The following MORC4 variants were observed in gnomAD, a reference collection of about 807,000 sequenced individuals.
MORC4 encodes the protein MORC family CW-type zinc finger protein 4.
MORC4 carries 22 observed loss-of-function variants against 65.5 expected under a neutral mutation model. That is an observed-to-expected ratio of 0.34 (90% CI 0.24 to 0.48). The LOEUF is 0.48. Among genes scored for constraint, MORC4 ranks in the 20% least tolerant of loss-of-function variants. The pLI, the probability that MORC4 is intolerant of heterozygous loss-of-function variation, is 0.99. For synonymous variants in MORC4, 267 were observed against 255.8 expected, an observed-to-expected ratio of 1.04 and a Z score of -0.42; for missense variants, 624 against 703.0, an observed-to-expected ratio of 0.89 and a Z score of 1.27.
chrX:106,969,278 G>C (rs1025347572), intron 9 of MORC4, among the ~76,000 whole-genome samples: 4 of 111,868 alleles, frequency 3.6e-5, no homozygotes, highest in African/African-American at 1.3e-4. Flanking sequence ...TGAAACCAAT[G>C]AGAACAAAGA....
At chrX:106,998,289 A>G (rs932383376) in intron 2 of MORC4, among the ~76,000 whole-genome samples, 1 of 112,392 alleles carries the variant, frequency 8.9e-6, no homozygotes, top group Non-Finnish European at 1.9e-5. Flanking sequence ...GTGTGTGCAT[A>G]ATACATACAC....
intron 10 of MORC4, among the ~76,000 whole-genome samples, chrX:106,959,760 A>C (rs1273049729): frequency 9.0e-6 from 1 of 111,601 alleles, no homozygotes; most frequent in Non-Finnish European, 1.9e-5. Flanking sequence ...GGCTGGTCTC[A>C]AACTCCTGAG....
rs140618280 is a variant in MORC4, at chrX:106,995,146, C to A, written c.176-1784G>T. Among the ~76,000 whole-genome samples the A allele has an allele frequency of 7.6e-3, 840 of 110,780 alleles. 8 individuals carry two copies. Among genetic ancestry groups the A allele is most frequent in the African/African-American group, 0.027 (808 of 30,448 alleles). ...CATTAACCCACCTCTAGCTATCCCC[C>A]CTCCCACCCTTCCCAGCCTTTAGTA... On this transcript the variant is annotated intron_variant, in intron 2 of 16. Transcript: ENST00000355610.
intron 5 of MORC4, among the ~76,000 whole-genome samples, chrX:106,981,915 C>T (rs1360527788): frequency 8.9e-6 from 1 of 111,864 alleles, no homozygotes; most frequent in Non-Finnish European, 1.9e-5. Flanking sequence ...TAAGATCTCC[C>T]CAGATCTAAT....
intron 3 of MORC4, among the ~76,000 whole-genome samples, chrX:106,991,225 T>C (rs1336331188): frequency 8.9e-6 from 1 of 111,888 alleles, no homozygotes; most frequent in Admixed American, 9.5e-5. Flanking sequence ...ATCCCTGTTA[T>C]ACGTTCTCAA....
At chrX:106,949,255 A>G (rs950677405) in intron 14 of MORC4, among the ~76,000 whole-genome samples, 5 of 111,420 alleles carry the variant, frequency 4.5e-5, no homozygotes, top group Non-Finnish European at 9.4e-5. Flanking sequence ...TTCTTTTTAT[A>G]GGTTCTGTCC....
chrX:106,948,937 G>T (rs1933910330), intron 14 of MORC4, among the ~76,000 whole-genome samples: 1 of 111,440 alleles, frequency 9.0e-6, no homozygotes, highest in Non-Finnish European at 1.9e-5. Flanking sequence ...CTTCCTAGAT[G>T]TATACATTAA....
chrX:106,941,405 AGAGAGAC>A lies in MORC4; in HGVS notation c.*67_*73del. On this transcript the variant is annotated 3_prime_UTR_variant, in exon 17 of 17. Transcript: ENST00000355610. The stretch of plus-strand genomic sequence containing the variant: ...GAGAGAGAGAGAGAGAGAGAGAGAG[AGAGAGAC>A]GTGAGGGAGGGAGAGAAAAGAGAAC... The A allele has an allele frequency of 1.3e-6, 1 of 750,355 alleles. No homozygotes were observed. The highest frequency in any genetic ancestry group is 1.9e-6 in the Non-Finnish European group (1 of 532,192). 61.8% of individuals were successfully genotyped at this position (750,355 alleles called of 1,213,427 possible). A position where few individuals can be genotyped will look rare whatever the true frequency, so the allele number is the denominator to read the frequency against.
chrX:106,949,861 C>A (rs745443895), intron 14 of MORC4, among the ~76,000 whole-genome samples: 17 of 112,301 alleles, frequency 1.5e-4, no homozygotes, highest in Non-Finnish European at 3.2e-4. Context: ...TTTCCCTCTT[C>A]AATCACCCTG....
At chrX:106,984,218 G>A (rs1934809867) in intron 5 of MORC4, among the ~76,000 whole-genome samples, 1 of 108,746 alleles carries the variant, frequency 9.2e-6, no homozygotes, top group African/African-American at 3.4e-5. Flanking sequence ...CCCAGGAGGT[G>A]AAGGTTACAG....
At chrX:106,993,607 C>T (rs933095917) in intron 2 of MORC4, among the ~76,000 whole-genome samples, 1 of 111,886 alleles carries the variant, frequency 8.9e-6, no homozygotes, top group African/African-American at 3.2e-5. Flanking sequence ...TCTGCCTTTC[C>T]ACCTTCGAAC....
At chrX:106,988,921 C>T (rs1385867044) in intron 3 of MORC4, among the ~76,000 whole-genome samples, 1 of 111,414 alleles carries the variant, frequency 9.0e-6, no homozygotes, top group Non-Finnish European at 1.9e-5. Flanking sequence ...CACGTGTTTA[C>T]CTATGTAACA....
intron 5 of MORC4, among the ~76,000 whole-genome samples, chrX:106,984,445 CA>C (rs1253879407): frequency 9.6e-6 from 1 of 103,998 alleles, no homozygotes; most frequent in Non-Finnish European, 2.0e-5. Flanking sequence ...CTAACTCAAA[CA>C]ACTCTGTTTT....
In MORC4 at chrX:106,943,072, C is replaced by T. The variant is rs773071665; in HGVS notation, c.1819G>A (p.Glu607Lys). Residue 607 changes from glutamate to lysine, a missense_variant, in exon 15 of 17, where the codon GAA becomes AAA. Glu to Lys is a moderately conservative substitution (Grantham distance 56, BLOSUM62 1). Transcript: ENST00000355610. Reference protein sequence around the residue: ...RRVEAPVAYPEGENSHDKSSS... With the variant: ...RRVEAPVAYPKGENSHDKSSS... ...GATTTATCATGGCTGTTCTCCCCTT[C>T]TGGGTAGGCAACAGGTGCTTCTACC... 5.0e-6 allele frequency: 6 copies of T among 1,211,578 alleles called. No homozygotes were observed. Among genetic ancestry groups the T allele is most frequent in the Non-Finnish European group, 6.7e-6 (6 of 895,304 alleles).
chrX:106,961,717 G>T (rs1457169926), intron 10 of MORC4, among the ~76,000 whole-genome samples: 1 of 111,708 alleles, frequency 9.0e-6, no homozygotes. Context: ...AACAATAAGG[G>T]AATAAAAGCT....
chrX:106,970,247 T>C (rs1194842508), intron 9 of MORC4, among the ~76,000 whole-genome samples: 3 of 112,186 alleles, frequency 2.7e-5, no homozygotes, highest in African/African-American at 6.5e-5. Context: ...TCTCAATAGA[T>C]GCAGAAAAAG....
At chrX:106,973,854 C>G (rs917537035) in intron 9 of MORC4, among the ~76,000 whole-genome samples, 3 of 111,518 alleles carry the variant, frequency 2.7e-5, no homozygotes, top group African/African-American at 9.8e-5. Flanking sequence ...CCTAGAGCCT[C>G]CAGAAAGGAA....
In MORC4 at chrX:106,941,528, A is replaced by C; in HGVS notation, c.2765T>G (p.Val922Gly). Reference protein sequence around the residue: ...LREIGYDSEQVDGILYTVLEA... With the variant: ...LREIGYDSEQGDGILYTVLEA... ...CAGCACCGTGTACAGGATCCCATCC[A>C]CTTGTTCTGAGTCATACCCGATCTC... The change falls in exon 17 of 17, where the codon GTG becomes GGG. Residue 922 changes from valine (V) to glycine (G), a missense_variant. Transcript: ENST00000355610. 8.3e-7 allele frequency: 1 copy of C among 1,210,407 alleles called. No homozygotes were observed. Among genetic ancestry groups the C allele is most frequent in the Non-Finnish European group, 1.1e-6 (1 of 894,544 alleles).
chrX:106,985,194 C>T lies in MORC4; in HGVS notation c.576G>A (p.Leu192=), dbSNP rs1352703058. 41 of 1,197,936 alleles carry T rather than the reference C, an allele frequency of 3.4e-5. No individual in the cohort carries two copies. In the Admixed American group the frequency reaches 9.1e-4, roughly 26 times the overall value. The change falls in exon 5 of 17, where the codon TTG becomes TTA. Residue 192 remains leucine (L), a synonymous_variant. Coordinates refer to ENST00000355610, the MANE Select transcript of MORC4 (RefSeq NM_024657.5). The part of the protein sequence containing the change: ...EDSLPSLEAI[L]NYSIFNREND... The stretch of plus-strand genomic sequence containing the variant: ...TTTCACGGTTGAAAATGGAATAGTT[C>T]AAGATGGCTTCTAGGCTGGGCAATG...
Sources: allele counts gnomAD v4.1 joint callset (sites outside exome capture counted in the v4.1 genomes callset), GRCh38; gene constraint gnomAD v4.1.1; transcripts MANE v1.5; gene names NCBI Gene and HGNC (gene_info 2026-07-23, HGNC 2026-07-21).